HS2ST1: variants seen among roughly 807,000 people sequenced by gnomAD.
HS2ST1 encodes the protein 2-O-sulfotransferase.
Under a neutral mutation model 42.9 loss-of-function variants are expected in HS2ST1, and 18 were observed. That is an observed-to-expected ratio of 0.42 (90% CI 0.29 to 0.62). HS2ST1 has a LOEUF of 0.62. HS2ST1 is among the 20% of genes least tolerant of loss of function. HS2ST1 has a pLI of 0.21. For synonymous variants in HS2ST1, 146 were observed against 152.9 expected, an observed-to-expected ratio of 0.95 and a Z score of 0.33; for missense variants, 334 against 433.8, an observed-to-expected ratio of 0.77 and a Z score of 2.04.
intron 1 of HS2ST1, among the ~76,000 whole-genome samples, chr1:87,058,386 A>G (rs1349404795): frequency 6.6e-6 from 1 of 151,716 alleles, no homozygotes; most frequent in Non-Finnish European, 1.5e-5. Flanking sequence ...TAACTTTTCA[A>G]GTATTTCAAG....
chr1:87,012,553 T>G (rs1419196757), intron 1 of HS2ST1, among the ~76,000 whole-genome samples: 1 of 152,144 alleles, frequency 6.6e-6, no homozygotes, highest in African/African-American at 2.4e-5. Flanking sequence ...GAGCTACAAT[T>G]CAAGATGAGA....
At chr1:87,103,061 T>A (rs1371211862) in intron 5 of HS2ST1, among the ~76,000 whole-genome samples, 1 of 152,242 alleles carries the variant, frequency 6.6e-6, no homozygotes. Context: ...ACAAATTGTT[T>A]ACACTTTGCT....
chr1:86,998,082 A>G (rs1649159500), intron 1 of HS2ST1, among the ~76,000 whole-genome samples: 2 of 152,228 alleles, frequency 1.3e-5, no homozygotes, highest in Non-Finnish European at 2.9e-5. Flanking sequence ...ACAGAAGGTA[A>G]GACCTACTTA....
At chr1:87,098,905 G>A (rs1443633978) in intron 5 of HS2ST1, among the ~76,000 whole-genome samples, 2 of 152,046 alleles carry the variant, frequency 1.3e-5, no homozygotes, top group Non-Finnish European at 2.9e-5. Context: ...TCAGCCTCCC[G>A]AATAGCTGGG....
chr1:87,084,116 C>G (rs933960419), intron 2 of HS2ST1, 78 bp from the exon 3 acceptor site: 1 of 918,130 alleles, frequency 1.1e-6, no homozygotes, highest in African/African-American at 1.7e-5. Flanking sequence ...TTTTAAATTC[C>G]TATCTTGGAA....
chr1:87,070,130 A>G (rs1322535371), intron 1 of HS2ST1, among the ~76,000 whole-genome samples: 1 of 152,142 alleles, frequency 6.6e-6, no homozygotes, highest in Non-Finnish European at 1.5e-5. Flanking sequence ...GCAATTTCAC[A>G]TATGTCTGTG....
intron 1 of HS2ST1, chr1:86,956,488 G>A (rs1647681647): frequency 6.6e-6 from 1 of 152,166 alleles, no homozygotes; most frequent in East Asian, 1.9e-4. Context: ...TGGTCACTAT[G>A]GCTGTAGAAA....
chr1:86,923,683 A>C (rs1458689070), intron 1 of HS2ST1, among the ~76,000 whole-genome samples: 1 of 152,216 alleles, frequency 6.6e-6, no homozygotes, highest in Admixed American at 6.5e-5. Flanking sequence ...GGTGTGAGCC[A>C]CTTCGCCTGG....
chr1:87,007,949 T>C (rs1378462159), intron 1 of HS2ST1, among the ~76,000 whole-genome samples: 2 of 152,176 alleles, frequency 1.3e-5, no homozygotes, highest in Non-Finnish European at 2.9e-5. Flanking sequence ...ATTTGCAAAT[T>C]AAAGTAAAAG....
intron 1 of HS2ST1, among the ~76,000 whole-genome samples, chr1:86,934,188 A>G (rs971622920): frequency 6.6e-6 from 1 of 152,196 alleles, no homozygotes; most frequent in Non-Finnish European, 1.5e-5. Flanking sequence ...GTTGGTGGAT[A>G]ACAAACTGGA....
intron 1 of HS2ST1, among the ~76,000 whole-genome samples, chr1:86,963,947 C>T (rs1386941862): frequency 1.3e-5 from 2 of 151,640 alleles, no homozygotes; most frequent in Non-Finnish European, 2.9e-5. Context: ...AGACGCTCCT[C>T]ACTTCCCAAA....
intron 1 of HS2ST1, among the ~76,000 whole-genome samples, chr1:87,011,913 T>C (rs1649607646): frequency 6.6e-6 from 1 of 152,244 alleles, no homozygotes; most frequent in Admixed American, 6.5e-5. Context: ...GTTTTATTTA[T>C]ATTGTTTAGT....
chr1:87,020,462 T>G (rs1183646967), intron 1 of HS2ST1, among the ~76,000 whole-genome samples: 3 of 152,190 alleles, frequency 2.0e-5, no homozygotes, highest in African/African-American at 7.2e-5. Context: ...CTACTGCACT[T>G]TTATCTCAAA....
intron 3 of HS2ST1, among the ~76,000 whole-genome samples, chr1:87,087,506 A>G (rs1375922930): frequency 2.6e-5 from 4 of 152,124 alleles, no homozygotes; most frequent in Non-Finnish European, 4.4e-5. Flanking sequence ...CATTTTCAGA[A>G]CAAGTGAGGT....
At chr1:87,064,410 C>T (rs1344750010) in intron 1 of HS2ST1, 6 of 506,222 alleles carry the variant, frequency 1.2e-5, no homozygotes, top group Non-Finnish European at 2.4e-5. Flanking sequence ...TAGGTGTACT[C>T]AGAAGGGGCA....
chr1:87,047,561 T>TATATTAGG (rs1383158273), intron 1 of HS2ST1, among the ~76,000 whole-genome samples: 1 of 152,190 alleles, frequency 6.6e-6, no homozygotes, highest in Non-Finnish European at 1.5e-5. Context: ...AGGTCTGTGA[T>TATATTAGG]TCATTTTAAA....
rs112476228 is a variant in HS2ST1 at position 87,011,027 on chromosome 1, C to T, written c.125-61907C>T. Reference sequence around the variant, plus strand: ...TCTTGAACTACTGGCCTCAGGTGATCGGCCTACCTCAGCCTCCCAAAGTGC... The same window carrying T: ...TCTTGAACTACTGGCCTCAGGTGATTGGCCTACCTCAGCCTCCCAAAGTGC... On this transcript the variant is annotated intron_variant, in intron 1 of 6. Coordinates refer to ENST00000370550, the MANE Select transcript of HS2ST1 (RefSeq NM_012262.4). Among the ~76,000 whole-genome samples the T allele has an allele frequency of 8.6e-3, 1,312 of 152,188 alleles. 24 individuals are homozygous for T. Among genetic ancestry groups the T allele is most frequent in the African/African-American group, 0.031 (1,269 of 41,520 alleles).
chr1:87,087,437 A>G (rs1651841530), intron 3 of HS2ST1, among the ~76,000 whole-genome samples: 1 of 151,604 alleles, frequency 6.6e-6, no homozygotes, highest in Non-Finnish European at 1.5e-5. Context: ...AGTTGTCCCT[A>G]GAAATGAGAA....
chr1:86,952,884 A>C (rs1031580937), intron 1 of HS2ST1, among the ~76,000 whole-genome samples: 3 of 152,212 alleles, frequency 2.0e-5, no homozygotes, highest in Non-Finnish European at 4.4e-5. Flanking sequence ...ATTGGCTTCA[A>C]CTTAAAGTCA....
Sources: allele counts gnomAD v4.1 joint callset (sites outside exome capture counted in the v4.1 genomes callset), GRCh38; gene constraint gnomAD v4.1.1; transcripts MANE v1.5; gene names NCBI Gene and HGNC (gene_info 2026-07-23, HGNC 2026-07-21).